The following DPYSL3 variants were observed in gnomAD, a reference collection of about 807,000 sequenced individuals.
The protein encoded by DPYSL3 is dihydropyrimidinase like 3, also known as dihydropyrimidinase-related protein 3.
A neutral mutation model predicts 66.1 loss-of-function variants in DPYSL3; 16 were observed. The ratio of observed to expected loss-of-function variants is 0.24; its 90% CI spans 0.16 to 0.37. The LOEUF is 0.37. Among genes scored for constraint, DPYSL3 ranks in the 10% least tolerant of loss-of-function variants. The probability of loss-of-function intolerance (pLI) is 1.00; values close to 1 mark genes in which losing one functional copy is unlikely to be tolerated. For synonymous variants in DPYSL3, 338 were observed against 345.1 expected, an observed-to-expected ratio of 0.98 and a Z score of 0.23; for missense variants, 738 against 916.2, an observed-to-expected ratio of 0.81 and a Z score of 2.51.
chr5:147,414,390 A>G (rs891140807), intron 4 of DPYSL3, among the ~76,000 whole-genome samples: 1 of 152,200 alleles, frequency 6.6e-6, no homozygotes, highest in African/African-American at 2.4e-5. Flanking sequence ...TAAACTACTA[A>G]TACAGTGATT....
At chr5:147,419,379 G>T (rs150362085) in intron 2 of DPYSL3, among the ~76,000 whole-genome samples, 2 of 152,198 alleles carry the variant, frequency 1.3e-5, no homozygotes, top group Admixed American at 6.5e-5. Flanking sequence ...GGAGGAATAG[G>T]GGGGAGACTC....
At chr5:147,479,792 C>G (rs115805022) in intron 1 of DPYSL3, among the ~76,000 whole-genome samples, 99 of 152,264 alleles carry the variant, frequency 6.5e-4, no homozygotes, top group African/African-American at 2.3e-3. Context: ...CACTGTAAAA[C>G]AGGCACAGGC....
chr5:147,505,428 G>T (rs1003921186), intron 1 of DPYSL3, among the ~76,000 whole-genome samples: 4 of 152,078 alleles, frequency 2.6e-5, no homozygotes, highest in Non-Finnish European at 5.9e-5. Flanking sequence ...AGAGACGGGG[G>T]TTTCACCATG....
intron 1 of DPYSL3, chr5:147,453,483 CCCCGCCCGCAGCGCAGCGG>C (rs1752778869): frequency 6.7e-7 from 1 of 1,496,776 alleles, no homozygotes; most frequent in Admixed American, 2.1e-5. Context: ...TCCGAGCCGA[CCCCGCCCGCAGCGCAGCGG>C]ACAGGGAGCG....
At chr5:147,497,024 A>G (rs1753527270) in intron 1 of DPYSL3, among the ~76,000 whole-genome samples, 1 of 152,118 alleles carries the variant, frequency 6.6e-6, no homozygotes, top group African/African-American at 2.4e-5. Flanking sequence ...CGATAGACTG[A>G]ATTAAGAAAA....
rs115989493 is a variant in DPYSL3, at chr5:147,428,396, G to C, written c.382-3433C>G. ...CCAATTTTAACTCTTTCCATGGAAG[G>C]GGGATCCACTATAAATGGCGGCCTA... On this transcript the variant is annotated intron_variant, in intron 1 of 13. Coordinates refer to ENST00000343218, the MANE Select transcript of DPYSL3 (RefSeq NM_001197294.2). Among the ~76,000 whole-genome samples the C allele has an allele frequency of 1.7e-3, 262 of 152,166 alleles. 1 individual carries two copies. The highest frequency in any genetic ancestry group is 6.2e-3 in the African/African-American group (257 of 41,534).
rs758801090 is a variant in DPYSL3 at position 147,509,641 on chromosome 5, C to G, written c.218G>C (p.Arg73Pro). The G allele has an allele frequency of 1.3e-6, 2 of 1,535,566 alleles. No homozygotes were observed. The highest frequency in any genetic ancestry group is 2.7e-5 in the African/African-American group (2 of 73,042). ...KTPRSGQGSDRGSGSRPGIEG... is the reference protein window; with the variant it reads ...KTPRSGQGSDPGSGSRPGIEG... ...GATCCCGGGCCGACTCCCCGATCCT[C>G]GGTCGCTGCCCTGGCCGCTCCGAGG... The change falls in exon 1 of 14, where the codon CGA (arginine) becomes CCA (proline). Residue 73 changes from arginine (R) to proline (P), a missense_variant. Transcript: ENST00000343218. The surrounding 1 kb of genome is among the most constrained non-coding windows in gnomAD (Gnocchi z 5.3).
In DPYSL3 at chr5:147,403,387, T is replaced by C. The variant is rs369484196; in HGVS notation, c.1154-1691A>G. Among the ~76,000 whole-genome samples the C allele has an allele frequency of 2.6e-5, 4 of 152,168 alleles. No homozygotes were observed. In the East Asian group the frequency reaches 5.8e-4, roughly 22 times the overall value. On this transcript the variant is annotated intron_variant, in intron 8 of 13. Coordinates refer to ENST00000343218, the MANE Select transcript of DPYSL3 (RefSeq NM_001197294.2). The stretch of plus-strand genomic sequence containing the variant: ...GTGGAAGAAATCTCCCTCTGGACTA[T>C]GTTTAGCATGGAAGAGTAAAAGAAG...
At chr5:147,424,084 TA>T (rs907060085) in intron 2 of DPYSL3, among the ~76,000 whole-genome samples, 3 of 152,086 alleles carry the variant, frequency 2.0e-5, no homozygotes, top group African/African-American at 7.2e-5. Flanking sequence ...TGGGGGCTGG[TA>T]AAAAAAGTTT....
chr5:147,485,534 A>G (rs1753316222), intron 1 of DPYSL3, among the ~76,000 whole-genome samples: 1 of 152,162 alleles, frequency 6.6e-6, no homozygotes, highest in African/African-American at 2.4e-5. Context: ...TGTATTCTTT[A>G]CTATTAAAAT....
intron 1 of DPYSL3, among the ~76,000 whole-genome samples, chr5:147,429,250 T>C (rs1195187051): frequency 1.3e-5 from 2 of 152,176 alleles, no homozygotes; most frequent in African/African-American, 2.4e-5. Flanking sequence ...CCTGCACAGC[T>C]ACCAAGAGCT....
intron 1 of DPYSL3, among the ~76,000 whole-genome samples, chr5:147,457,468 T>C (rs144132979): frequency 6.6e-5 from 10 of 152,354 alleles, no homozygotes; most frequent in African/African-American, 2.4e-4. Flanking sequence ...AGAAGAACTT[T>C]TCTGGAACTA....
At chr5:147,420,971 G>A (rs771994669) in intron 2 of DPYSL3, among the ~76,000 whole-genome samples, 1 of 151,972 alleles carries the variant, frequency 6.6e-6, no homozygotes, top group South Asian at 2.1e-4. Context: ...TGGTATGGCC[G>A]TAGCGCCACT....
chr5:147,453,439 C>T (rs1752776925), intron 1 of DPYSL3: 2 of 1,387,298 alleles, frequency 1.4e-6, no homozygotes, highest in Admixed American at 6.1e-5. Context: ...GTCTCCGTCC[C>T]TCCCCGGGGA....
At chr5:147,487,147 C>T (rs770409783) in intron 1 of DPYSL3, among the ~76,000 whole-genome samples, 2 of 152,072 alleles carry the variant, frequency 1.3e-5, no homozygotes, top group Non-Finnish European at 2.9e-5. Context: ...TAAGCTTGAC[C>T]TCCTTCTTCC....
intron 6 of DPYSL3, among the ~76,000 whole-genome samples, chr5:147,410,722 G>A (rs969643598): frequency 2.0e-4 from 31 of 152,144 alleles, no homozygotes; most frequent in African/African-American, 7.2e-4. Flanking sequence ...GTACCCAAAG[G>A]CAAAGATTCC....
chr5:147,471,014 A>T (rs1047016686), intron 1 of DPYSL3, among the ~76,000 whole-genome samples: 1 of 152,164 alleles, frequency 6.6e-6, no homozygotes. Flanking sequence ...TGCCCAACAT[A>T]GTGCCTGGAA....
intron 1 of DPYSL3, among the ~76,000 whole-genome samples, chr5:147,435,838 G>A (rs1323121980): frequency 6.6e-6 from 1 of 152,210 alleles, no homozygotes; most frequent in Non-Finnish European, 1.5e-5. Flanking sequence ...ACTTAACAAA[G>A]TGTGGGCAGT....
chr5:147,480,880 G>A (rs963320586), intron 1 of DPYSL3, among the ~76,000 whole-genome samples: 9 of 151,696 alleles, frequency 5.9e-5, no homozygotes, highest in South Asian at 4.2e-4. Flanking sequence ...GTGCCACTAC[G>A]CCCGGCTCAT....
Sources: gnomAD v4.1 joint callset for allele counts (sites outside exome capture counted in the v4.1 genomes callset) on GRCh38, gnomAD v4.1.1 for gene constraint, Gnocchi (gnomAD v3.1) non-coding constraint, MANE v1.5 for transcripts, NCBI Gene and HGNC (gene_info 2026-07-23, HGNC 2026-07-21) for gene names.